The following SRPX variants were observed in gnomAD, a reference collection of about 807,000 sequenced individuals.
The protein encoded by SRPX is sushi repeat containing protein X-linked, also known as sushi repeat-containing protein SRPX.
SRPX carries 24 observed loss-of-function variants against 38.1 expected under a neutral mutation model. The observed-to-expected ratio is 0.63, with a 90% CI of 0.46 to 0.89. The LOEUF is 0.89. SRPX is among the 40% of genes least tolerant of loss of function. The pLI, the probability that SRPX is intolerant of heterozygous loss-of-function variation, is 0.00. For missense variants in SRPX, 416 were observed against 377.8 expected (o/e 1.10, Z -0.84); for synonymous variants, 184 against 153.8 (o/e 1.20, Z -1.45).
At chrX:38,191,619 C>G in intron 1 of SRPX, among the ~76,000 whole-genome samples, 1 of 111,264 alleles carries the variant, frequency 9.0e-6, no homozygotes, top group Admixed American at 9.6e-5. Flanking sequence ...TTTAATTTCC[C>G]TGAACCCAAG....
chrX:38,215,807 C>T (rs1003215322), intron 1 of SRPX, among the ~76,000 whole-genome samples: 1 of 112,133 alleles, frequency 8.9e-6, no homozygotes, highest in Non-Finnish European at 1.9e-5. Flanking sequence ...AAGGCAATTA[C>T]AATTTACGAT....
At chrX:38,209,317 G>A (rs1214837287) in intron 1 of SRPX, among the ~76,000 whole-genome samples, 2 of 111,389 alleles carry the variant, frequency 1.8e-5, no homozygotes, top group African/African-American at 6.5e-5. Flanking sequence ...GAATAACTTA[G>A]TGCTTCCTCC....
chrX:38,205,580 C>A (rs1939192557), intron 1 of SRPX, among the ~76,000 whole-genome samples: 1 of 111,768 alleles, frequency 8.9e-6, no homozygotes, highest in South Asian at 3.8e-4. Flanking sequence ...CAAAGATTTT[C>A]TCCCATGTTG....
chrX:38,208,607 G>A (rs1336371593), intron 1 of SRPX, among the ~76,000 whole-genome samples: 1 of 111,597 alleles, frequency 9.0e-6, no homozygotes, highest in African/African-American at 3.3e-5. Context: ...GAATCAAGAG[G>A]AAAATGAAGG....
intron 2 of SRPX, among the ~76,000 whole-genome samples, chrX:38,177,550 T>C (rs1198356845): frequency 2.6e-5 from 1 of 38,959 alleles, no homozygotes; most frequent in African/African-American, 1.3e-4. Flanking sequence ...TGTTAACCAT[T>C]TTTTTTTTTT....
intron 5 of SRPX, among the ~76,000 whole-genome samples, 168 bp downstream of exon 5, chrX:38,164,601 C>G (rs929808350): frequency 5.3e-5 from 6 of 112,309 alleles, no homozygotes; most frequent in African/African-American, 1.6e-4. Context: ...ATAATAGAGA[C>G]AGGCAATCAA....
chrX:38,178,150 T>C (rs1938598265), intron 2 of SRPX, 135 bp downstream of exon 2: 2 of 349,035 alleles, frequency 5.7e-6, no homozygotes, highest in South Asian at 1.8e-4. Flanking sequence ...TATATATATA[T>C]TTTTTTTTCC....
At chrX:38,182,971 G>A (rs770435881) in intron 1 of SRPX, among the ~76,000 whole-genome samples, 182 of 111,630 alleles carry the variant, frequency 1.6e-3, no homozygotes, top group African/African-American at 5.7e-3. Flanking sequence ...AAGCCACTGT[G>A]AATAGCACTG....
intron 4 of SRPX, among the ~76,000 whole-genome samples, chrX:38,165,542 G>A (rs1022446667): frequency 1.2e-4 from 13 of 111,873 alleles, no homozygotes; most frequent in Non-Finnish European, 1.9e-4. Flanking sequence ...CTATGGAGGT[G>A]TAGAGGAGCC....
At chrX:38,220,626 A>G in intron 1 of SRPX, 70 bp downstream of exon 1, 1 of 1,154,065 alleles carries the variant, frequency 8.7e-7, no homozygotes, top group Non-Finnish European at 1.1e-6. Context: ...ATCCCGAGCG[A>G]AGGGTCCCAA....
chrX:38,179,708 A>C (rs1044749680), intron 1 of SRPX, among the ~76,000 whole-genome samples: 5 of 111,997 alleles, frequency 4.5e-5, no homozygotes, highest in African/African-American at 1.6e-4. Context: ...CCGCAACTAC[A>C]GAAGCCCAAT....
At chrX:38,152,545 C>T (rs1004193989) in intron 9 of SRPX, among the ~76,000 whole-genome samples, 1 of 111,777 alleles carries the variant, frequency 8.9e-6, no homozygotes, top group African/African-American at 3.3e-5. Context: ...TCCAGCAATA[C>T]GTATTTTAAC....
chrX:38,207,317 A>G (rs1939229583), intron 1 of SRPX, among the ~76,000 whole-genome samples: 1 of 112,099 alleles, frequency 8.9e-6, no homozygotes, highest in Non-Finnish European at 1.9e-5. Flanking sequence ...GAGATGGGAG[A>G]GAGGAGAAAC....
intron 5 of SRPX, among the ~76,000 whole-genome samples, chrX:38,162,820 T>TA (rs1185533558): frequency 8.9e-6 from 1 of 112,011 alleles, no homozygotes; most frequent in South Asian, 3.7e-4. Flanking sequence ...TCTCAAAAAA[T>TA]AAAAAAATCA....
At position 38,166,138 on chromosome X, in the gene SRPX, C is replaced by T. The variant is rs1381478098; in HGVS notation, c.527-1243G>A. On this transcript the variant is annotated intron_variant, in intron 4 of 9. Coordinates refer to ENST00000378533, the MANE Select transcript of SRPX (RefSeq NM_006307.5). ...AACTGATAAGTATTAAGTGCTATTA[C>T]TGCCTTAATGAAAGTTAAATGTCCT... Among the ~76,000 whole-genome samples the T allele has an allele frequency of 2.7e-5, 3 of 112,570 alleles. No individual in the cohort carries two copies. In the East Asian group the frequency reaches 8.3e-4, roughly 31 times the overall value.
At chrX:38,209,000 A>AT (rs749988701) in intron 1 of SRPX, among the ~76,000 whole-genome samples, 1,354 of 42,626 alleles carry the variant, frequency 0.032, 12 homozygotes, top group Middle Eastern at 0.1. Context: ...ATATATATAT[A>AT]TTTTTTTTTT....
At chrX:38,211,403 G>A (rs1939316996) in intron 1 of SRPX, among the ~76,000 whole-genome samples, 1 of 111,811 alleles carries the variant, frequency 8.9e-6, no homozygotes, top group East Asian at 2.8e-4. Context: ...TACTCAGCCT[G>A]TACAAATACC....
intron 1 of SRPX, among the ~76,000 whole-genome samples, chrX:38,207,372 AG>A (rs1439120856): frequency 8.9e-6 from 1 of 112,065 alleles, no homozygotes; most frequent in African/African-American, 3.2e-5. Flanking sequence ...AGCCCAAAGC[AG>A]GGGACCTCAA....
intron 1 of SRPX, among the ~76,000 whole-genome samples, chrX:38,185,174 T>C (rs1938750521): frequency 8.9e-6 from 1 of 111,795 alleles, no homozygotes; most frequent in African/African-American, 3.2e-5. Flanking sequence ...TTGGTAAAAA[T>C]GTTGGAGAAA....
Sources: gnomAD v4.1 joint callset for allele counts (sites outside exome capture counted in the v4.1 genomes callset) on GRCh38, gnomAD v4.1.1 for gene constraint, MANE v1.5 for transcripts, NCBI Gene and HGNC (gene_info 2026-07-23, HGNC 2026-07-21) for gene names.